The following ANLN variants were observed in gnomAD, a reference collection of about 807,000 sequenced individuals.
ANLN encodes the protein anillin.
In ANLN, 59 loss-of-function variants were observed where a neutral mutation model predicts 135.1. The ratio of observed to expected loss-of-function variants is 0.44; its 90% confidence interval spans 0.35 to 0.54. The LOEUF is 0.54. ANLN is among the 20% of genes least tolerant of loss of function. The pLI is 0.00. For synonymous variants in ANLN, 406 were observed against 456.4 expected (o/e 0.89, Z 1.41); for missense variants, 1,182 against 1,340.0 (o/e 0.88, Z 1.84).
At position 36,449,856 on chromosome 7, in the gene ANLN, A is replaced by C. The variant is rs1386391056; in HGVS notation, c.3251+19A>C. 6.2e-7 allele frequency: 1 copy of C among 1,606,236 alleles called. No homozygotes were observed. Among genetic ancestry groups the C allele is most frequent in the Admixed American group, 1.7e-5 (1 of 58,574 alleles). ...TTACCAAGTATGTATTGGCCTATAA[A>C]TATTTCTATCAACTAAGCAATTGAT... is the stretch of plus-strand genomic sequence containing the variant. On this transcript the variant is annotated intron_variant, in intron 23 of 23. Coordinates refer to ENST00000265748, the MANE Select transcript of ANLN (RefSeq NM_018685.5).
Position 36,406,566 on chromosome 7 carries a change from G to T in ANLN, c.873G>T (p.Val291=). ...TTAATGCCTCAATTTCCAGCTCTGT[G>T]GTAAGTCAGTATCATTTTGGTCTTT... is the stretch of plus-strand genomic sequence containing the variant. The part of the protein sequence containing the change: ...SLVNASISSS[V]KATSPVKSTT... The change falls in exon 4 of 24, where the codon GTG becomes GTT. Residue 291 remains valine, a splice_region_variant and synonymous_variant. Coordinates refer to ENST00000265748, the MANE Select transcript of ANLN (RefSeq NM_018685.5). 2.0e-6 allele frequency: 3 copies of T among 1,491,320 alleles called. No homozygotes were observed. The highest frequency in any genetic ancestry group is 1.4e-5 in the South Asian group (1 of 70,950). 92.4% of individuals were successfully genotyped at this position (1,491,320 alleles called of 1,614,324 possible). A position where few individuals can be genotyped will look rare whatever the true frequency, so the allele number is the denominator to read the frequency against.
intron 10 of ANLN, 81 bp from the exon 11 acceptor site, chr7:36,420,088 A>C: frequency 7.2e-7 from 1 of 1,382,966 alleles, no homozygotes. Context: ...CTTAATATTA[A>C]TGGAGAATTC....
rs116625741 is a variant in ANLN, at chr7:36,409,542, A to C, written c.1097-972A>C. On this transcript the variant is annotated intron_variant, in intron 5 of 23. Transcript: ENST00000265748. Reference sequence around the variant, plus strand: ...ATATATGCTAATCTTTGATATAGATAAGCCTATTTTTTTATAATACAACCT... The same window carrying C: ...ATATATGCTAATCTTTGATATAGATCAGCCTATTTTTTTATAATACAACCT... Among the ~76,000 whole-genome samples the C allele has an allele frequency of 2.9e-3, 446 of 152,318 alleles. 4 individuals carry two copies. Among genetic ancestry groups the C allele is most frequent in the African/African-American group, 0.01 (425 of 41,570 alleles).
chr7:36,396,894 G>A (rs1262276383), intron 2 of ANLN, among the ~76,000 whole-genome samples: 2 of 152,016 alleles, frequency 1.3e-5, no homozygotes, highest in African/African-American at 2.4e-5. Context: ...CTAAAGTTTA[G>A]GTTGTTAATC....
chr7:36,402,989 T>C (rs1204307467), intron 3 of ANLN, among the ~76,000 whole-genome samples: 2 of 152,142 alleles, frequency 1.3e-5, no homozygotes, highest in Non-Finnish European at 2.9e-5. Flanking sequence ...CTGTGGTGCA[T>C]GCCTGTAATC....
At chr7:36,446,025 A>G (rs938403672) in intron 22 of ANLN, among the ~76,000 whole-genome samples, 2 of 152,160 alleles carry the variant, frequency 1.3e-5, no homozygotes, top group African/African-American at 4.8e-5. Context: ...TTTCTCTCGT[A>G]TGAACTGATT....
intron 14 of ANLN, among the ~76,000 whole-genome samples, chr7:36,423,101 A>G (rs1046009078): frequency 6.6e-6 from 1 of 152,156 alleles, no homozygotes; most frequent in African/African-American, 2.4e-5. Context: ...TGGAACACAA[A>G]TTTTTTTGTG....
At chr7:36,419,581 C>T in intron 10 of ANLN, 102 bp downstream of exon 10, 1 of 982,364 alleles carries the variant, frequency 1.0e-6, no homozygotes, top group Non-Finnish European at 1.5e-6. Flanking sequence ...GCTCAGTAGC[C>T]AAGGGAATTT....
At chr7:36,413,237 G>C (rs1017224564) in intron 7 of ANLN, among the ~76,000 whole-genome samples, 3 of 150,812 alleles carry the variant, frequency 2.0e-5, no homozygotes, top group Non-Finnish European at 4.4e-5. Context: ...TTGCCTCCAT[G>C]TCATGCAGAC....
intron 5 of ANLN, 55 bp downstream of exon 5, chr7:36,408,011 C>A: frequency 7.4e-7 from 1 of 1,344,372 alleles, no homozygotes. Context: ...GATATCTATT[C>A]TCAGCATTTT....
At chr7:36,406,128 G>C (rs184195700) in intron 3 of ANLN, 53 bp from the exon 4 acceptor site, 4 of 1,506,454 alleles carry the variant, frequency 2.7e-6, no homozygotes, top group Non-Finnish European at 3.6e-6. Flanking sequence ...GGTATTATAC[G>C]TAAGCATTAC....
At chr7:36,442,910 G>T (rs1041236039) in intron 21 of ANLN, among the ~76,000 whole-genome samples, 1 of 151,450 alleles carries the variant, frequency 6.6e-6, no homozygotes, top group African/African-American at 2.4e-5. Context: ...GATTACAGGT[G>T]TGAGCCACTG....
At chr7:36,390,416 G>C (rs953354132) in intron 1 of ANLN, 1 of 282,066 alleles carries the variant, frequency 3.5e-6, no homozygotes, top group Non-Finnish European at 6.8e-6. Flanking sequence ...CTGCAGGGCG[G>C]GGTCCGGGGC....
chr7:36,449,615 G>T, intron 22 of ANLN, 50 bp from the exon 23 acceptor site: 1 of 1,437,962 alleles, frequency 7.0e-7, no homozygotes, highest in Non-Finnish European at 9.5e-7. Context: ...AATGCTTACT[G>T]ACTTAAATAG....
chr7:36,412,026 TCTC>T (rs1245361024), intron 7 of ANLN, among the ~76,000 whole-genome samples: 1 of 152,020 alleles, frequency 6.6e-6, no homozygotes, highest in African/African-American at 2.4e-5. Flanking sequence ...GTCTCTGTCT[TCTC>T]TTGTTGGTTT....
Position 36,419,386 on chromosome 7 carries a change from A to G in ANLN, c.1776A>G (p.Ala592=). 6.2e-7 allele frequency: 1 copy of G among 1,614,218 alleles called. No individual in the cohort carries two copies. Among genetic ancestry groups the G allele is most frequent in the Admixed American group, 1.7e-5 (1 of 60,024 alleles). The part of the protein sequence containing the change: ...KSQEEMDQAL[A]ESSEEQEDAL... ...AAGAGGAGATGGATCAAGCATTAGCAGAAAGCAGCGAAGAACAGGAAGATG... is the reference window on the plus strand; with the variant it reads ...AAGAGGAGATGGATCAAGCATTAGCGGAAAGCAGCGAAGAACAGGAAGATG... Residue 592 remains alanine, a synonymous_variant, in exon 10 of 24, where the codon GCA becomes GCG. Coordinates refer to ENST00000265748, the MANE Select transcript of ANLN (RefSeq NM_018685.5).
chr7:36,429,568 G>A (rs149805156), intron 20 of ANLN, among the ~76,000 whole-genome samples: 167 of 152,248 alleles, frequency 1.1e-3, no homozygotes, highest in African/African-American at 4.0e-3. Context: ...CATTCTCTTG[G>A]TTAAAGAGAT....
intron 22 of ANLN, among the ~76,000 whole-genome samples, chr7:36,445,912 T>C (rs1788977051): frequency 6.6e-6 from 1 of 152,256 alleles, no homozygotes. Context: ...TCCATCAGTA[T>C]GATAGATGTG....
intron 20 of ANLN, among the ~76,000 whole-genome samples, chr7:36,431,597 G>GTA (rs1281791693): frequency 0.01 from 280 of 27,422 alleles, 8 homozygotes; most frequent in African/African-American, 0.018. Flanking sequence ...GTGTGTGTGT[G>GTA]TATATATATA....
Sources: gnomAD v4.1 joint callset for allele counts (sites outside exome capture counted in the v4.1 genomes callset) on GRCh38, gnomAD v4.1.1 for gene constraint, MANE v1.5 for transcripts, NCBI Gene and HGNC (gene_info 2026-07-23, HGNC 2026-07-21) for gene names.